DPH6: variants seen among roughly 807,000 people sequenced by gnomAD.
DPH6 encodes diphthine--ammonia ligase.
A neutral mutation model predicts 38.2 loss-of-function variants in DPH6; 33 were observed. The ratio of observed to expected loss-of-function variants is 0.86; its 90% CI spans 0.65 to 1.15. The LOEUF (loss-of-function observed/expected upper bound fraction) is 1.15. Ranked by LOEUF, DPH6 falls within the 50% of genes most tolerant of loss-of-function variation. The pLI is 0.00. For synonymous variants in DPH6, 108 were observed against 103.0 expected (o/e 1.05, Z -0.30); for missense variants, 325 against 320.0 (o/e 1.02, Z -0.12).
chr15:35,366,859 C>A (rs1289553448), downstream of DPH6, among the ~76,000 whole-genome samples: 1 of 151,892 alleles, frequency 6.6e-6, no homozygotes, highest in African/African-American at 2.4e-5. Flanking sequence ...AGCATTAAGA[C>A]TAGAATTACT....
chr15:35,528,305 C>T (rs2055035443), intron 3 of DPH6, among the ~76,000 whole-genome samples: 1 of 151,910 alleles, frequency 6.6e-6, no homozygotes, highest in Non-Finnish European at 1.5e-5. Flanking sequence ...AATCCTTTAC[C>T]AGATTAAAGA....
At chr15:35,201,192 CTT>C in the DPH6 span, among the ~76,000 whole-genome samples, 1 of 151,350 alleles carries the variant, frequency 6.6e-6, no homozygotes, top group African/African-American at 2.4e-5. Flanking sequence ...TTGTATCATT[CTT>C]TTTTTCTCCC....
intron 3 of DPH6, among the ~76,000 whole-genome samples, chr15:35,322,453 G>A (rs1386768161): frequency 3.9e-5 from 6 of 152,202 alleles, no homozygotes; most frequent in Non-Finnish European, 7.3e-5. Context: ...GCAAAATGGA[G>A]TCAACTATGT....
At chr15:35,343,681 A>G (rs980320191) in intron 3 of DPH6, among the ~76,000 whole-genome samples, 2 of 152,022 alleles carry the variant, frequency 1.3e-5, no homozygotes, top group African/African-American at 4.8e-5. Context: ...CTTAACAAAT[A>G]TTTATTGAGT....
At chr15:35,162,533 T>C in the DPH6 span, among the ~76,000 whole-genome samples, 149,501 of 151,960 alleles carry the variant, frequency 0.98, 73,600 homozygotes, top group East Asian at 1. Flanking sequence ...ACTCATTCCC[T>C]CACTTCATCT....
At chr15:35,324,379 A>G (rs552427592) in intron 3 of DPH6, among the ~76,000 whole-genome samples, 3 of 152,274 alleles carry the variant, frequency 2.0e-5, no homozygotes, top group South Asian at 2.1e-4. Flanking sequence ...GATAAACTCT[A>G]TTTTTCTTAA....
intron 3 of DPH6, chr15:35,521,162 T>C (rs1048374279): frequency 1.0e-6 from 1 of 985,202 alleles, no homozygotes; most frequent in African/African-American, 1.7e-5. Flanking sequence ...ACTTTTTAAC[T>C]GAAATGCTAC....
intron 6 of DPH6, among the ~76,000 whole-genome samples, chr15:35,404,907 TGAGA>T (rs1253852677): frequency 1.3e-5 from 2 of 152,086 alleles, no homozygotes; most frequent in Non-Finnish European, 2.9e-5. Flanking sequence ...TTGTATAAGG[TGAGA>T]GAGAGGGATC....
chr15:35,384,924 GA>G (rs564890473), intron 6 of DPH6, among the ~76,000 whole-genome samples: 4 of 151,038 alleles, frequency 2.6e-5, no homozygotes, highest in African/African-American at 7.3e-5. Context: ...AAATTTACAA[GA>G]AAAAAAACAA....
At chr15:35,399,592 A>T (rs2053191056) in intron 6 of DPH6, among the ~76,000 whole-genome samples, 1 of 152,220 alleles carries the variant, frequency 6.6e-6, no homozygotes, top group Non-Finnish European at 1.5e-5. Flanking sequence ...AAGAGTCACA[A>T]TTCTAGGGGC....
chr15:35,347,597 A>ACTAAATATTTG (rs375987019), intron 3 of DPH6, among the ~76,000 whole-genome samples: 12 of 151,804 alleles, frequency 7.9e-5, no homozygotes, highest in South Asian at 4.2e-4. Flanking sequence ...ATAAACTTGG[A>ACTAAATATTTG]GTCCAAATAT....
chr15:35,356,022 A>T (rs1232112818), intron 3 of DPH6, among the ~76,000 whole-genome samples: 1 of 151,856 alleles, frequency 6.6e-6, no homozygotes, highest in African/African-American at 2.4e-5. Flanking sequence ...TTCTCACTTC[A>T]TTTCATTCAT....
intron 3 of DPH6, among the ~76,000 whole-genome samples, chr15:35,271,722 T>A (rs2051823787): frequency 6.6e-6 from 1 of 152,306 alleles, no homozygotes; most frequent in Admixed American, 6.5e-5. Context: ...AAACATGGAA[T>A]CTCTGGGGCT....
the DPH6 span, among the ~76,000 whole-genome samples, chr15:35,209,422 A>T: frequency 1.3e-5 from 2 of 152,216 alleles, no homozygotes; most frequent in African/African-American, 4.8e-5. Flanking sequence ...CTGTGGGATA[A>T]CTAAAAGTTC....
chr15:35,347,503 A>G (rs1724701265), intron 3 of DPH6, among the ~76,000 whole-genome samples: 1 of 147,830 alleles, frequency 6.8e-6, no homozygotes, highest in Non-Finnish European at 1.5e-5. Flanking sequence ...CACTGTATGG[A>G]TATACTATAC....
chr15:35,365,171 A>T (rs908896272), intron 3 of DPH6, among the ~76,000 whole-genome samples: 1 of 152,056 alleles, frequency 6.6e-6, no homozygotes, highest in Admixed American at 6.6e-5. Context: ...ATCTATCATT[A>T]TAAGTACTTC....
intron 3 of DPH6, chr15:35,237,269 G>A (rs2051559712): frequency 1.4e-5 from 20 of 1,474,446 alleles, no homozygotes; most frequent in South Asian, 3.4e-5. Flanking sequence ...TAAAACGCGC[G>A]GCCGTGTTAT....
intron 3 of DPH6, among the ~76,000 whole-genome samples, chr15:35,260,695 C>CA (rs1555389829): frequency 6.6e-6 from 1 of 151,640 alleles, no homozygotes; most frequent in Non-Finnish European, 1.5e-5. Context: ...TTACCTACTT[C>CA]TTTTTTTTAC....
downstream of DPH6, among the ~76,000 whole-genome samples, chr15:35,330,416 A>G (rs1394415530): frequency 1.3e-5 from 2 of 152,194 alleles, no homozygotes; most frequent in Admixed American, 6.6e-5. Flanking sequence ...TTATATGTCA[A>G]TATCTTGTAA....
Sources: allele counts gnomAD v4.1 joint callset (sites outside exome capture counted in the v4.1 genomes callset), GRCh38; gene constraint gnomAD v4.1.1; transcripts MANE v1.5; gene names NCBI Gene and HGNC (gene_info 2026-07-23, HGNC 2026-07-21).